SLC7A5: variants seen among roughly 807,000 people sequenced by gnomAD.
SLC7A5 encodes large neutral amino acids transporter small subunit 1.
A neutral mutation model predicts 50.2 loss-of-function variants in SLC7A5; 23 were observed. The ratio of observed to expected loss-of-function variants is 0.46; its 90% CI spans 0.33 to 0.65. SLC7A5 has a LOEUF of 0.65. Ranked by LOEUF, SLC7A5 falls within the 30% of genes least tolerant of loss-of-function variation. The pLI, the probability that SLC7A5 is intolerant of heterozygous loss-of-function variation, is 0.02. For synonymous variants in SLC7A5, 393 were observed against 330.6 expected, an observed-to-expected ratio of 1.19 and a Z score of -2.05; for missense variants, 578 against 684.4, an observed-to-expected ratio of 0.84 and a Z score of 1.73.
In SLC7A5 at chr16:87,860,484, C is replaced by T. The variant is rs1284306399; in HGVS notation, c.538+8401G>A. On this transcript the variant is annotated intron_variant, in intron 1 of 9. Coordinates refer to ENST00000261622, the MANE Select transcript of SLC7A5 (RefSeq NM_003486.7). The surrounding 1 kb of genome is among the most constrained non-coding windows in gnomAD (Gnocchi z 4.8). ...CGCCTTGGAGTTGTCCCGCCTTTCT[C>T]GGCAGAACCAACAAATACCTTTCAT... Among the ~76,000 whole-genome samples, 4 of 151,988 alleles carry T rather than the reference C, an allele frequency of 2.6e-5. No homozygotes were observed. The highest frequency in any genetic ancestry group is 5.9e-5 in the Non-Finnish European group (4 of 68,002).
At chr16:87,856,106 G>A (rs1036635579) in intron 1 of SLC7A5, among the ~76,000 whole-genome samples, 5 of 152,178 alleles carry the variant, frequency 3.3e-5, no homozygotes, top group Non-Finnish European at 4.4e-5. Flanking sequence ...GCCCCAGGCA[G>A]GCGTCCAGCC....
At chr16:87,844,267 G>T (rs1413076770) in intron 2 of SLC7A5, among the ~76,000 whole-genome samples, 3 of 152,342 alleles carry the variant, frequency 2.0e-5, no homozygotes, top group East Asian at 1.9e-4. Flanking sequence ...CGGGTGGGGG[G>T]AAGGCAAACT....
Position 87,834,623 on chromosome 16 carries a change from T to A in SLC7A5, c.1291-32A>T, listed in dbSNP as rs755093866. ...CAGAGGACAGGGCCTGGGTGAGCCC[T>A]CTCCTGTCCAGCCTCCCTCCCCCAT... On this transcript the variant is annotated intron_variant, in intron 8 of 9. Coordinates refer to ENST00000261622, the MANE Select transcript of SLC7A5 (RefSeq NM_003486.7). 1.2e-5 allele frequency: 18 copies of A among 1,561,828 alleles called. No individual in the cohort carries two copies. The East Asian group carries it at 1.9e-4, about 16-fold the overall frequency.
Position 87,834,402 on chromosome 16 carries a change from C to G in SLC7A5, c.1468+12G>C, listed in dbSNP as rs765952818. 1.5e-5 allele frequency: 24 copies of G among 1,551,860 alleles called. No individual in the cohort carries two copies. In the East Asian group the frequency reaches 5.6e-4, roughly 36 times the overall value. On this transcript the variant is annotated intron_variant, in intron 9 of 9. Coordinates refer to ENST00000261622, the MANE Select transcript of SLC7A5 (RefSeq NM_003486.7). ...GAGGGTACCACGGGCTGTGGGCCAG[C>G]GAGATACTCACAGATGCCCTGGAGG...
chr16:87,851,882 G>C lies in SLC7A5; in HGVS notation c.539-33C>G, dbSNP rs375439371. On this transcript the variant is annotated intron_variant, in intron 1 of 9. Coordinates refer to ENST00000261622, the MANE Select transcript of SLC7A5 (RefSeq NM_003486.7). Reference sequence around the variant, plus strand: ...GACAGAGGGCAGCGGTGAGTTCCACGGGCAGACAGACGCCAGCTCAGGGGT... The same window carrying C: ...GACAGAGGGCAGCGGTGAGTTCCACCGGCAGACAGACGCCAGCTCAGGGGT... The C allele has an allele frequency of 5.0e-6, 8 of 1,611,916 alleles. No homozygotes were observed. The Admixed American group carries it at 8.3e-5, about 17-fold the overall frequency.
At position 87,831,210 on chromosome 16, in the gene SLC7A5, G is replaced by A. The variant is rs1228436194; in HGVS notation, c.*1760C>T. 2.0e-5 allele frequency: 3 copies of A among 152,366 alleles called. No individual in the cohort carries two copies. The highest frequency in any genetic ancestry group is 4.4e-5 in the Non-Finnish European group (3 of 68,128). The allele number at this position is 152,366 out of a possible 1,614,324, so 9.4% of individuals were successfully genotyped here. A position where few individuals can be genotyped will look rare whatever the true frequency, so the allele number is the denominator to read the frequency against. On this transcript the variant is annotated 3_prime_UTR_variant, in exon 10 of 10. Coordinates refer to ENST00000261622, the MANE Select transcript of SLC7A5 (RefSeq NM_003486.7). ...CCAGACCGTGGGCTGTCCCTTGGAC[G>A]AGTGGAATTCGTCCCCAGGAAGGAT...
chr16:87,859,415 C>T (rs865778141), intron 1 of SLC7A5, among the ~76,000 whole-genome samples: 1 of 152,108 alleles, frequency 6.6e-6, no homozygotes, highest in African/African-American at 2.4e-5. Context: ...CTGGACTGGC[C>T]CCGGGGTCAC....
Position 87,862,242 on chromosome 16 carries a change from CA to C in SLC7A5, c.538+6642del, listed in dbSNP as rs1298460838. Among the ~76,000 whole-genome samples the C allele has an allele frequency of 1.3e-5, 2 of 152,096 alleles. No homozygotes were observed. Among genetic ancestry groups the C allele is most frequent in the Non-Finnish European group, 2.9e-5 (2 of 67,992 alleles). On this transcript the variant is annotated intron_variant, in intron 1 of 9. Coordinates refer to ENST00000261622, the MANE Select transcript of SLC7A5 (RefSeq NM_003486.7). The surrounding 1 kb of genome is among the most constrained non-coding windows in gnomAD (Gnocchi z 5.3). ...GGTTGGGGGGGTGGTGCTGGACACC[CA>C]GGGGGCAGATAGAGGCAGCCAGGCA...
chr16:87,844,244 CACAGCCA>C (rs1156640449), intron 2 of SLC7A5, among the ~76,000 whole-genome samples: 8 of 152,242 alleles, frequency 5.3e-5, no homozygotes, highest in South Asian at 2.1e-4. Context: ...AAAGCAAACG[CACAGCCA>C]AACCCCGGGT....
At chr16:87,857,008 C>CG (rs2055330186) in intron 1 of SLC7A5, among the ~76,000 whole-genome samples, 1 of 151,962 alleles carries the variant, frequency 6.6e-6, no homozygotes, top group African/African-American at 2.4e-5. Flanking sequence ...GTCACCGCCC[C>CG]GGGCTCCAGA....
chr16:87,835,341 C>T (rs1041039815), intron 8 of SLC7A5, among the ~76,000 whole-genome samples: 7 of 152,232 alleles, frequency 4.6e-5, no homozygotes, highest in South Asian at 2.1e-4. Context: ...CCCCGCTGTG[C>T]GCAGTGACTG....
rs910813869 is a variant in SLC7A5 at position 87,832,905 on chromosome 16, C to T, written c.*65G>A. The T allele has an allele frequency of 1.3e-5, 17 of 1,352,310 alleles. No individual in the cohort carries two copies. The highest frequency in any genetic ancestry group is 3.4e-5 in the Admixed American group (2 of 59,578). The allele number at this position is 1,352,310 out of a possible 1,614,324, so 83.8% of individuals were successfully genotyped here. On this transcript the variant is annotated 3_prime_UTR_variant, in exon 10 of 10. Coordinates refer to ENST00000261622, the MANE Select transcript of SLC7A5 (RefSeq NM_003486.7). This position sits in a 1 kb window ranked among gnomAD's most constrained non-coding sequence, Gnocchi z 4.6. ...GGGTTGCGGGGAACCGGAGTGGGTTCGAGGAGGTGATCTACTTTAACTGGC... is the reference window on the plus strand; with the variant it reads ...GGGTTGCGGGGAACCGGAGTGGGTTTGAGGAGGTGATCTACTTTAACTGGC...
chr16:87,846,276 C>A (rs1047688965), intron 2 of SLC7A5, among the ~76,000 whole-genome samples: 1 of 152,260 alleles, frequency 6.6e-6, no homozygotes, highest in Non-Finnish European at 1.5e-5. Flanking sequence ...GAGTCCCCCA[C>A]AGGCAGGCCA....
intron 1 of SLC7A5, chr16:87,863,543 T>G (rs1032104879): frequency 2.0e-5 from 3 of 152,138 alleles, no homozygotes; most frequent in African/African-American, 7.2e-5. Context: ...CATGCCAAGT[T>G]CCATATGGCC....
At chr16:87,840,339 C>G in intron 4 of SLC7A5, 90 bp downstream of exon 4, 1 of 1,214,438 alleles carries the variant, frequency 8.2e-7, no homozygotes, top group Non-Finnish European at 1.2e-6. Flanking sequence ...CTGGCCTGAG[C>G]CGACCAACAG....
At chr16:87,863,986 A>ATATATATATAT in intron 1 of SLC7A5, among the ~76,000 whole-genome samples, 1 of 83,278 alleles carries the variant, frequency 1.2e-5, no homozygotes, top group South Asian at 4.3e-4. Context: ...ATCATTTAAA[A>ATATATATATAT]ATATATATAT....
At position 87,860,339 on chromosome 16, in the gene SLC7A5, A is replaced by ATAC. The variant is rs377188472; in HGVS notation, c.539-8491_539-8490insGTA. Among the ~76,000 whole-genome samples the ATAC allele has an allele frequency of 1.4e-4, 15 of 108,202 alleles. No individual in the cohort carries two copies. Among genetic ancestry groups the ATAC allele is most frequent in the African/African-American group, 5.5e-4 (14 of 25,654 alleles). 71.0% of individuals were successfully genotyped at this position (108,202 alleles called of 152,430 possible). A position where few individuals can be genotyped will look rare whatever the true frequency, so the allele number is the denominator to read the frequency against. On this transcript the variant is annotated intron_variant, in intron 1 of 9. Transcript: ENST00000261622. This position sits in a 1 kb window ranked among gnomAD's most constrained non-coding sequence, Gnocchi z 4.8. ...CAAAAGCATCTCAAAAAAAAAAAAA[A>ATAC]ATACACACACACACACACACACACA...
chr16:87,840,408 T>A, intron 4 of SLC7A5, 21 bp downstream of exon 4: 1 of 1,598,158 alleles, frequency 6.3e-7, no homozygotes. Context: ...AAAAGACGGC[T>A]CCATCCATTC....
At chr16:87,840,332 G>A in intron 4 of SLC7A5, 97 bp downstream of exon 4, 7 of 1,136,436 alleles carry the variant, frequency 6.2e-6, no homozygotes, top group Non-Finnish European at 9.4e-6. Flanking sequence ...CTGTGAACTG[G>A]CCTGAGCCGA....
Sources: allele counts gnomAD v4.1 joint callset (sites outside exome capture counted in the v4.1 genomes callset), GRCh38; gene constraint gnomAD v4.1.1; non-coding constraint Gnocchi (gnomAD v3.1); transcripts MANE v1.5; gene names NCBI Gene and HGNC (gene_info 2026-07-23, HGNC 2026-07-21).